The following EYS variants were observed in gnomAD, a reference collection of about 807,000 sequenced individuals.
EYS encodes the protein EGF-like photoreceptor maintenance factor.
A neutral mutation model predicts 282.1 loss-of-function variants in EYS; 250 were observed. The ratio of observed to expected loss-of-function variants is 0.89; its 90% CI spans 0.80 to 0.98. The LOEUF (loss-of-function observed/expected upper bound fraction) is 0.98. EYS is among the 50% of genes least tolerant of loss of function. EYS has a pLI of 0.00. For synonymous variants in EYS, 1,355 were observed against 1,282.9 expected (o/e 1.06, Z -1.20); for missense variants, 4,016 against 3,709.0 (o/e 1.08, Z -2.15).
At chr6:65,166,672 T>C (rs1055689800) in intron 12 of EYS, among the ~76,000 whole-genome samples, 24 of 151,188 alleles carry the variant, frequency 1.6e-4, no homozygotes, top group Non-Finnish European at 3.1e-4. Flanking sequence ...AATAGTTTTT[T>C]ACATATAACA....
chr6:64,857,373 C>T (rs1241303996), intron 19 of EYS, among the ~76,000 whole-genome samples: 2 of 152,052 alleles, frequency 1.3e-5, no homozygotes, highest in African/African-American at 4.8e-5. Flanking sequence ...TCTTTCTGTG[C>T]CTGGCCTATT....
intron 2 of EYS, among the ~76,000 whole-genome samples, chr6:65,502,890 T>C (rs181718430): frequency 1.3e-5 from 2 of 151,768 alleles, no homozygotes; most frequent in African/African-American, 4.8e-5. Context: ...CATCATATGG[T>C]ATATAAGTAG....
At chr6:64,465,216 C>T (rs1346815923) in intron 26 of EYS, among the ~76,000 whole-genome samples, 1 of 151,990 alleles carries the variant, frequency 6.6e-6, no homozygotes, top group Non-Finnish European at 1.5e-5. Context: ...TATGTAATCC[C>T]TGTCAACATC....
chr6:65,620,339 C>T (rs1317351578), intron 2 of EYS, among the ~76,000 whole-genome samples: 10 of 152,208 alleles, frequency 6.6e-5, no homozygotes, highest in East Asian at 3.9e-4. Flanking sequence ...AGTTTATTTG[C>T]GTAGAGGTGT....
At chr6:64,166,601 G>A (rs114949515) in intron 31 of EYS, among the ~76,000 whole-genome samples, 1,684 of 151,954 alleles carry the variant, frequency 0.011, 29 homozygotes, top group African/African-American at 0.038. Context: ...TTAACCTACC[G>A]ATTTTAACAA....
chr6:64,635,673 C>T (rs1767950694), intron 22 of EYS, among the ~76,000 whole-genome samples: 1 of 152,154 alleles, frequency 6.6e-6, no homozygotes, highest in Admixed American at 6.5e-5. Context: ...AGGGATGAAG[C>T]CCACTTGATC....
At chr6:64,269,700 C>A (rs1767876007) in intron 30 of EYS, among the ~76,000 whole-genome samples, 1 of 151,916 alleles carries the variant, frequency 6.6e-6, no homozygotes, top group Non-Finnish European at 1.5e-5. Flanking sequence ...TAATTTTTGA[C>A]ACTACTATAT....
intron 31 of EYS, among the ~76,000 whole-genome samples, chr6:64,083,446 C>T (rs895295086): frequency 6.6e-6 from 1 of 152,132 alleles, no homozygotes; most frequent in African/African-American, 2.4e-5. Context: ...CCTTGAGGGG[C>T]AGAAGTAACC....
chr6:64,276,984 G>C (rs141029132), intron 30 of EYS, among the ~76,000 whole-genome samples: 2,693 of 152,184 alleles, frequency 0.018, 43 homozygotes, highest in Non-Finnish European at 0.026. Flanking sequence ...CTAATTTATT[G>C]ATGCAGTTTT....
At chr6:65,703,143 A>G (rs1045629325) in intron 1 of EYS, among the ~76,000 whole-genome samples, 11 of 152,162 alleles carry the variant, frequency 7.2e-5, no homozygotes, top group African/African-American at 2.7e-4. Context: ...GCCAACCTGC[A>G]CAATCCCATG....
intron 15 of EYS, among the ~76,000 whole-genome samples, chr6:64,945,261 A>G (rs1769247081): frequency 6.6e-6 from 1 of 152,026 alleles, no homozygotes; most frequent in South Asian, 2.1e-4. Context: ...CATAATACAT[A>G]AACACCTACT....
intron 22 of EYS, among the ~76,000 whole-genome samples, chr6:64,651,171 T>C (rs947335747): frequency 6.6e-6 from 1 of 152,110 alleles, no homozygotes; most frequent in African/African-American, 2.4e-5. Flanking sequence ...ATATTATAGA[T>C]AGATAAATGC....
intron 35 of EYS, among the ~76,000 whole-genome samples, chr6:63,892,497 T>G (rs1421960341): frequency 6.6e-6 from 1 of 152,172 alleles, no homozygotes; most frequent in Non-Finnish European, 1.5e-5. Flanking sequence ...CCTTATTTAA[T>G]AAATGGTGTT....
At chr6:64,558,589 G>C (rs1326582612) in intron 26 of EYS, among the ~76,000 whole-genome samples, 1 of 152,046 alleles carries the variant, frequency 6.6e-6, no homozygotes, top group African/African-American at 2.4e-5. Flanking sequence ...AGATAAAAAA[G>C]ATTATTTCAG....
At chr6:64,595,350 T>C (rs1239737395) in intron 24 of EYS, among the ~76,000 whole-genome samples, 2 of 152,132 alleles carry the variant, frequency 1.3e-5, no homozygotes, top group Non-Finnish European at 2.9e-5. Context: ...GGGCAAAAGC[T>C]GAAACCCTTT....
chr6:63,778,347 A>T (rs530805298), intron 39 of EYS, 167 bp from the exon 40 acceptor site: 6 of 669,788 alleles, frequency 9.0e-6, no homozygotes, highest in East Asian at 2.9e-5. Context: ...ATTTTTTTTT[A>T]AAAGTCATTC....
chr6:64,977,955 T>C (rs989848475), intron 14 of EYS, among the ~76,000 whole-genome samples: 1 of 151,874 alleles, frequency 6.6e-6, no homozygotes, highest in Non-Finnish European at 1.5e-5. Flanking sequence ...AGGCTATCTC[T>C]AAAACATAAA....
intron 22 of EYS, among the ~76,000 whole-genome samples, chr6:64,791,006 A>G (rs1774174203): frequency 6.6e-6 from 1 of 151,874 alleles, no homozygotes; most frequent in African/African-American, 2.4e-5. Flanking sequence ...TCACATGCTG[A>G]AAACATCAGT....
chr6:65,239,174 AC>A (rs1766997406), intron 12 of EYS, among the ~76,000 whole-genome samples: 1 of 152,022 alleles, frequency 6.6e-6, no homozygotes, highest in Non-Finnish European at 1.5e-5. Flanking sequence ...CCAAAACAAG[AC>A]ATATCCTGTC....
Sources: allele counts gnomAD v4.1 joint callset (sites outside exome capture counted in the v4.1 genomes callset), GRCh38; gene constraint gnomAD v4.1.1; transcripts MANE v1.5; gene names NCBI Gene and HGNC (gene_info 2026-07-23, HGNC 2026-07-21).